Variants in IL33 observed in about 807,000 individuals in gnomAD.
IL33 encodes the protein interleukin-33.
A neutral mutation model predicts 27.3 loss-of-function variants in IL33; 37 were observed. The ratio of observed to expected loss-of-function variants is 1.36; its 90% CI spans 1.04 to 1.78. IL33 has a LOEUF of 1.78. IL33 is among the 40% of genes most tolerant of loss of function. IL33 has a pLI of 0.00. For missense variants in IL33, 406 were observed against 311.4 expected, an observed-to-expected ratio of 1.30 and a Z score of -2.29; for synonymous variants, 132 against 102.9, an observed-to-expected ratio of 1.28 and a Z score of -1.71.
At chr9:6,226,838 C>T (rs190534190) in intron 1 of IL33, among the ~76,000 whole-genome samples, 22 of 152,334 alleles carry the variant, frequency 1.4e-4, no homozygotes, top group Admixed American at 3.9e-4. Context: ...CTGGTATTCT[C>T]GTTTGCTTTG....
At chr9:6,232,561 G>C (rs1818975651) in intron 1 of IL33, among the ~76,000 whole-genome samples, 1 of 151,962 alleles carries the variant, frequency 6.6e-6, no homozygotes, top group Admixed American at 6.6e-5. Flanking sequence ...TATTTCCTAT[G>C]ATTATCTAAA....
chr9:6,239,266 T>G (rs1819398130), intron 1 of IL33, among the ~76,000 whole-genome samples: 1 of 152,126 alleles, frequency 6.6e-6, no homozygotes, highest in South Asian at 2.1e-4. Flanking sequence ...TATATTCAAA[T>G]AAGGAAGCTT....
chr9:6,227,999 CTTGAT>C (rs1375632621), intron 1 of IL33, among the ~76,000 whole-genome samples: 2 of 152,168 alleles, frequency 1.3e-5, no homozygotes, highest in Non-Finnish European at 2.9e-5. Flanking sequence ...TGGGCATTTA[CTTGAT>C]CCCTCTGTAC....
intron 1 of IL33, among the ~76,000 whole-genome samples, chr9:6,220,765 ATTAT>A (rs1818376584): frequency 6.6e-6 from 1 of 151,964 alleles, no homozygotes; most frequent in South Asian, 2.1e-4. Flanking sequence ...TATTATTATT[ATTAT>A]TTATTTTTGA....
At chr9:6,217,145 C>A (rs1031156968) in intron 1 of IL33, among the ~76,000 whole-genome samples, 9 of 151,770 alleles carry the variant, frequency 5.9e-5, no homozygotes, top group African/African-American at 2.2e-4. Context: ...TGGGTGGGAG[C>A]CACAGAGTAG....
At chr9:6,223,230 A>G (rs1245268427) in intron 1 of IL33, among the ~76,000 whole-genome samples, 1 of 152,162 alleles carries the variant, frequency 6.6e-6, no homozygotes, top group Admixed American at 6.6e-5. Context: ...GACTTAAGGC[A>G]TGATTTACAT....
chr9:6,221,930 A>C (rs1818429091), intron 1 of IL33, among the ~76,000 whole-genome samples: 1 of 152,210 alleles, frequency 6.6e-6, no homozygotes, highest in Non-Finnish European at 1.5e-5. Flanking sequence ...CACTAAGCCC[A>C]GCTACCAGGT....
chr9:6,253,562 AC>A lies in IL33; in HGVS notation c.481del (p.Leu161Ter). Reference sequence around the variant, plus strand: ...TGCATTCTCTTTCAGATAAGGTGTTACTGAGTTACTATGAGTCTCAACACCC... The same window carrying A: ...TGCATTCTCTTTCAGATAAGGTGTTATGAGTTACTATGAGTCTCAACACCC... ...KKDEKKDKVL[L>X]SYYESQHPSN... On this transcript the variant is annotated frameshift_variant, in exon 6 of 8. Transcript: ENST00000682010. LOFTEE classifies it high-confidence loss of function. The A allele has an allele frequency of 6.2e-7, 1 of 1,607,744 alleles. No individual in the cohort carries two copies. The highest frequency in any genetic ancestry group is 8.5e-7 in the Non-Finnish European group (1 of 1,175,944).
At chr9:6,247,206 C>A (rs1228562078) in intron 2 of IL33, among the ~76,000 whole-genome samples, 1 of 152,026 alleles carries the variant, frequency 6.6e-6, no homozygotes, top group Non-Finnish European at 1.5e-5. Context: ...CTGAGGAAAA[C>A]CAACATTTAT....
intron 2 of IL33, among the ~76,000 whole-genome samples, chr9:6,249,423 G>A (rs1270841795): frequency 6.6e-6 from 1 of 152,056 alleles, no homozygotes; most frequent in Non-Finnish European, 1.5e-5. Context: ...ACTACATAAT[G>A]TTAAAAATTG....
At chr9:6,243,040 T>C (rs890656586) in intron 2 of IL33, among the ~76,000 whole-genome samples, 1 of 152,186 alleles carries the variant, frequency 6.6e-6, no homozygotes. Flanking sequence ...GAATTCGCTC[T>C]TGTGAGAATG....
At position 6,251,193 on chromosome 9, in the gene IL33, G is replaced by A. The variant is rs1228885158; in HGVS notation, c.271G>A (p.Val91Met). ...CGCTGCCTGTCAACAGCAGTCTACT[G>A]TGGAGTGCTTTGCCTTTGGTATATC... Reference protein sequence around the residue: ...VLAACQQQSTVECFAFGISGV... With the variant: ...VLAACQQQSTMECFAFGISGV... The change falls in exon 4 of 8, where the codon GTG (valine) becomes ATG (methionine). Residue 91 changes from valine to methionine, a missense_variant. By Grantham distance (21) the Val-to-Met change is conservative. Transcript: ENST00000682010. The A allele has an allele frequency of 6.2e-7, 1 of 1,614,042 alleles. No homozygotes were observed. Among genetic ancestry groups the A allele is most frequent in the Non-Finnish European group, 8.5e-7 (1 of 1,179,920 alleles).
chr9:6,256,101 T>A lies in IL33; in HGVS notation c.746T>A (p.Leu249Gln), dbSNP rs1267958386. ...GGTGTAAAGGATAATCATCTTGCTC[T>A]GATTAAAGTAGACTCTTCTGAGAAT... The part of the protein sequence containing the change: ...FIGVKDNHLA[L>Q]IKVDSSENLC... Residue 249 changes from leucine to glutamine, a missense_variant, in exon 8 of 8, where the codon CTG (leucine) becomes CAG (glutamine). Coordinates refer to ENST00000682010, the MANE Select transcript of IL33 (RefSeq NM_033439.4). The A allele has an allele frequency of 2.5e-6, 4 of 1,613,360 alleles. No individual in the cohort carries two copies. Among genetic ancestry groups the A allele is most frequent in the Non-Finnish European group, 3.4e-6 (4 of 1,179,512 alleles).
At chr9:6,231,093 T>C (rs529626475) in intron 1 of IL33, among the ~76,000 whole-genome samples, 58 of 152,312 alleles carry the variant, frequency 3.8e-4, no homozygotes, top group South Asian at 3.5e-3. Flanking sequence ...TTATTAAGCA[T>C]CTGAATTAAT....
intron 1 of IL33, among the ~76,000 whole-genome samples, chr9:6,236,833 T>C (rs1179517372): frequency 6.6e-6 from 1 of 152,186 alleles, no homozygotes; most frequent in Non-Finnish European, 1.5e-5. Context: ...ATCGTGCCAC[T>C]GCACTCCAGC....
Position 6,256,365 on chromosome 9 carries a change from A to G in IL33, c.*197A>G. On this transcript the variant is annotated 3_prime_UTR_variant, in exon 8 of 8. Transcript: ENST00000682010. Reference sequence around the variant, plus strand: ...CTTTTATTTCCCTCTGTATAACTGCATCTTCAATACAAGTATCAGTATATT... The same window carrying G: ...CTTTTATTTCCCTCTGTATAACTGCGTCTTCAATACAAGTATCAGTATATT... The G allele has an allele frequency of 1.8e-6, 1 of 568,374 alleles. No individual in the cohort carries two copies. The allele number at this position is 568,374 out of a possible 1,614,324, so 35.2% of individuals were successfully genotyped here. A position where few individuals can be genotyped will look rare whatever the true frequency, so the allele number is the denominator to read the frequency against.
At chr9:6,218,610 A>T (rs554915923) in intron 1 of IL33, among the ~76,000 whole-genome samples, 73 of 149,102 alleles carry the variant, frequency 4.9e-4, no homozygotes, top group Middle Eastern at 3.6e-3. Context: ...ATATATATAC[A>T]CATATATATT....
intron 2 of IL33, among the ~76,000 whole-genome samples, chr9:6,246,580 A>T (rs114090099): frequency 0.018 from 2,713 of 152,218 alleles, 92 homozygotes; most frequent in African/African-American, 0.06. Flanking sequence ...AAAATAAAAA[A>T]AAAGAGAGGT....
At chr9:6,228,392 G>C (rs917418184) in intron 1 of IL33, among the ~76,000 whole-genome samples, 3 of 152,116 alleles carry the variant, frequency 2.0e-5, no homozygotes, top group African/African-American at 7.2e-5. Context: ...ATTTTTACAA[G>C]ATTCAGAATT....
Sources: allele counts gnomAD v4.1 joint callset (sites outside exome capture counted in the v4.1 genomes callset), GRCh38; gene constraint gnomAD v4.1.1; transcripts MANE v1.5; gene names NCBI Gene and HGNC (gene_info 2026-07-23, HGNC 2026-07-21).